The following ZKSCAN1 variants were observed in gnomAD, a reference collection of about 807,000 sequenced individuals.
ZKSCAN1 encodes the protein zinc finger with KRAB and SCAN domains 1, also known as zinc finger protein with KRAB and SCAN domains 1.
Under a neutral mutation model 51.6 loss-of-function variants are expected in ZKSCAN1, and 14 were observed. The observed-to-expected ratio is 0.27, with a 90% confidence interval of 0.18 to 0.42. The LOEUF is 0.42. Among genes scored for constraint, ZKSCAN1 ranks in the 10% least tolerant of loss-of-function variants. The pLI is 1.00. For missense variants in ZKSCAN1, 531 were observed against 710.0 expected (o/e 0.75, Z 2.86); for synonymous variants, 263 against 261.5 (o/e 1.01, Z -0.06).
chr7:100,044,808 A>G (rs969433362), downstream of ZKSCAN1: 1 of 984,928 alleles, frequency 1.0e-6, no homozygotes, highest in Non-Finnish European at 1.2e-6. Context: ...GCTTTCCAAC[A>G]TGCTGCACAT....
At chr7:100,015,865 T>G (rs1319189304) in intron 1 of ZKSCAN1, 139 bp downstream of exon 1, 1 of 152,134 alleles carries the variant, frequency 6.6e-6, no homozygotes, top group African/African-American at 2.4e-5. Flanking sequence ...TGCCCCTGCC[T>G]CCTGGCCGGG....
In ZKSCAN1 at chr7:100,035,685, T is replaced by G; in HGVS notation, c.*1488T>G. ...TGCTCTGAGAAACTCAGCAGTGTACTGAGATGTGGCTGGCTGTGCCATCGT... is the reference window on the plus strand; with the variant it reads ...TGCTCTGAGAAACTCAGCAGTGTACGGAGATGTGGCTGGCTGTGCCATCGT... On this transcript the variant is annotated 3_prime_UTR_variant, in exon 6 of 6. Coordinates refer to ENST00000324306, the MANE Select transcript of ZKSCAN1 (RefSeq NM_003439.4). The G allele has an allele frequency of 5.0e-6, 1 of 200,088 alleles. No individual in the cohort carries two copies. Among genetic ancestry groups the G allele is most frequent in the Non-Finnish European group, 8.9e-6 (1 of 111,812 alleles). The allele number at this position is 200,088 out of a possible 1,614,324, so 12.4% of individuals were successfully genotyped here.
downstream of ZKSCAN1, among the ~76,000 whole-genome samples, chr7:100,042,179 C>T (rs1228929107): frequency 1.3e-5 from 2 of 151,936 alleles, no homozygotes; most frequent in Non-Finnish European, 2.9e-5. Context: ...ATTAACCAGG[C>T]GTGGTGGCGG....
chr7:100,021,116 C>CTTTTTTTTTTTTTTT (rs60632908), intron 1 of ZKSCAN1, among the ~76,000 whole-genome samples: 2 of 85,292 alleles, frequency 2.3e-5, no homozygotes, highest in Admixed American at 1.7e-4. Context: ...TTTTTTTTTC[C>CTTTTTTTTTTTTTTT]TTTTTTTTTT....
chr7:100,039,204 C>G lies in ZKSCAN1; in HGVS notation c.*5007C>G. On this transcript the variant is annotated 3_prime_UTR_variant, in exon 6 of 6. Coordinates refer to ENST00000324306, the MANE Select transcript of ZKSCAN1 (RefSeq NM_003439.4). ...GTGGGCGCCTGTAGTCCCAGCTACT[C>G]AGGAGGCTGAGGCAGGAGAATCACC... 1 of 540,048 alleles carries G rather than the reference C, an allele frequency of 1.9e-6. No homozygotes were observed. The highest frequency in any genetic ancestry group is 2.4e-6 in the Non-Finnish European group (1 of 424,134). The allele number at this position is 540,048 out of a possible 1,614,324, so 33.5% of individuals were successfully genotyped here.
chr7:100,022,566 G>A (rs1282269603), intron 1 of ZKSCAN1, among the ~76,000 whole-genome samples: 3 of 152,016 alleles, frequency 2.0e-5, no homozygotes, highest in East Asian at 3.8e-4. Context: ...TTGTACTTTG[G>A]AAACCACAAT....
At position 100,038,382 on chromosome 7, in the gene ZKSCAN1, G is replaced by A; in HGVS notation, c.*4185G>A. 5.1e-6 allele frequency: 5 copies of A among 985,460 alleles called. No individual in the cohort carries two copies. Among genetic ancestry groups the A allele is most frequent in the Non-Finnish European group, 6.0e-6 (5 of 829,944 alleles). 61.0% of individuals were successfully genotyped at this position (985,460 alleles called of 1,614,324 possible). On this transcript the variant is annotated 3_prime_UTR_variant, in exon 6 of 6. Transcript: ENST00000324306. ...GAGCAGCGGGGAGAGGAAGGGAAAA[G>A]CTTCATAGTTTGGTGCTTATCACAT...
intron 5 of ZKSCAN1, among the ~76,000 whole-genome samples, chr7:100,032,877 G>A (rs1040336478): frequency 5.9e-5 from 9 of 151,922 alleles, no homozygotes; most frequent in African/African-American, 1.5e-4. Flanking sequence ...GCGTGGTGGC[G>A]GGCGCCTGTA....
At position 100,037,075 on chromosome 7, in the gene ZKSCAN1, T is replaced by G. The variant is rs911211684; in HGVS notation, c.*2878T>G. On this transcript the variant is annotated 3_prime_UTR_variant, in exon 6 of 6. Coordinates refer to ENST00000324306, the MANE Select transcript of ZKSCAN1 (RefSeq NM_003439.4). ...CTGAGGAAAACAGGCTACAACTGTT[T>G]ATTAAAACCACTTGCAGTGCATTCG... 1.0e-6 allele frequency: 1 copy of G among 985,432 alleles called. No homozygotes were observed. Among genetic ancestry groups the G allele is most frequent in the East Asian group, 1.1e-4 (1 of 8,812 alleles). The allele number at this position is 985,432 out of a possible 1,614,324, so 61.0% of individuals were successfully genotyped here.
chr7:100,032,105 T>C (rs575941546), intron 5 of ZKSCAN1, among the ~76,000 whole-genome samples: 1 of 152,350 alleles, frequency 6.6e-6, no homozygotes, highest in East Asian at 1.9e-4. Flanking sequence ...CAAAGTTTCT[T>C]GTTTGTTAAT....
chr7:100,033,410 G>C lies in ZKSCAN1; in HGVS notation c.905G>C (p.Gly302Ala). Residue 302 changes from glycine (G) to alanine (A), a missense_variant, in exon 6 of 6, where the codon GGA becomes GCA. By Grantham distance (60) the Gly-to-Ala change is moderately conservative. Coordinates refer to ENST00000324306, the MANE Select transcript of ZKSCAN1 (RefSeq NM_003439.4). This position sits in a 1 kb window ranked among gnomAD's most constrained non-coding sequence, Gnocchi z 4.1. The part of the protein sequence containing the change: ...ETTGRSQKEF[G>A]EKRDQEGKTG... ...ACAGGAAGATCCCAGAAAGAGTTTGGAGAGAAACGTGACCAGGAGGGCAAA... is the reference window on the plus strand; with the variant it reads ...ACAGGAAGATCCCAGAAAGAGTTTGCAGAGAAACGTGACCAGGAGGGCAAA... 6.2e-7 allele frequency: 1 copy of C among 1,614,116 alleles called. No homozygotes were observed. The highest frequency in any genetic ancestry group is 8.5e-7 in the Non-Finnish European group (1 of 1,180,028).
At chr7:100,028,956 G>T (rs1790971597) in intron 3 of ZKSCAN1, among the ~76,000 whole-genome samples, 1 of 151,998 alleles carries the variant, frequency 6.6e-6, no homozygotes, top group African/African-American at 2.4e-5. Context: ...CCTGAGGTCA[G>T]GAGTTCGAGA....
At chr7:100,026,990 C>T (rs1790863971) in intron 3 of ZKSCAN1, among the ~76,000 whole-genome samples, 1 of 151,514 alleles carries the variant, frequency 6.6e-6, no homozygotes, top group Non-Finnish European at 1.5e-5. Flanking sequence ...CAGAGCAAAA[C>T]TCCATCTCAA....
In ZKSCAN1 at chr7:100,023,467, C is replaced by A; in HGVS notation, c.-40C>A. ...AAACCTCCCAGGACATAAAGGTGAG[C>A]ACAGACCCTGTTTGGATCAAGTCAG... On this transcript the variant is annotated 5_prime_UTR_variant, in exon 2 of 6. Coordinates refer to ENST00000324306, the MANE Select transcript of ZKSCAN1 (RefSeq NM_003439.4). 6.4e-7 allele frequency: 1 copy of A among 1,573,276 alleles called. No homozygotes were observed. The highest frequency in any genetic ancestry group is 1.2e-5 in the South Asian group (1 of 84,108).
In ZKSCAN1 at chr7:100,040,654, AG is replaced by A. The variant is rs1791554074; in HGVS notation, c.*6462del. 4.1e-6 allele frequency: 4 copies of A among 985,462 alleles called. No individual in the cohort carries two copies. In the African/African-American group the frequency reaches 7.0e-5, roughly 17 times the overall value. 61.0% of individuals were successfully genotyped at this position (985,462 alleles called of 1,614,324 possible). On this transcript the variant is annotated 3_prime_UTR_variant, in exon 6 of 6. Transcript: ENST00000324306. ...AGGTTAAGTGCAGTATGGAAGGAGA[AG>A]GGGGAAGAGGACGGTAACGGCCCCA...
intron 3 of ZKSCAN1, among the ~76,000 whole-genome samples, chr7:100,026,150 G>A (rs973559006): frequency 3.5e-5 from 5 of 143,808 alleles, no homozygotes; most frequent in Non-Finnish European, 4.5e-5. Context: ...AACTCAGGCA[G>A]CAGAGGTTGC....
intron 5 of ZKSCAN1, among the ~76,000 whole-genome samples, chr7:100,031,354 TG>T: frequency 6.9e-6 from 1 of 144,154 alleles, no homozygotes; most frequent in East Asian, 2.2e-4. Flanking sequence ...CACAGCTCAC[TG>T]CAGCCTCGAC....
downstream of ZKSCAN1, chr7:100,041,734 TG>T (rs374517023): frequency 1.9e-4 from 190 of 985,410 alleles, 2 homozygotes; most frequent in South Asian, 6.3e-3. Context: ...TTCTCATCCT[TG>T]GTTGCATAAA....
rs1791505804 is a variant in ZKSCAN1, at chr7:100,039,472, T to A, written c.*5275T>A. The A allele has an allele frequency of 1.0e-6, 1 of 985,420 alleles. No individual in the cohort carries two copies. Among genetic ancestry groups the A allele is most frequent in the Non-Finnish European group, 1.2e-6 (1 of 829,932 alleles). The allele number at this position is 985,420 out of a possible 1,614,324, so 61.0% of individuals were successfully genotyped here. ...TTTTGCAATATTCCCTTTGGCTGTG[T>A]TCCTGTGTTCCCTGCTCCCACTTTT... On this transcript the variant is annotated 3_prime_UTR_variant, in exon 6 of 6. Transcript: ENST00000324306.
Sources: allele counts gnomAD v4.1 joint callset (sites outside exome capture counted in the v4.1 genomes callset), GRCh38; gene constraint gnomAD v4.1.1; non-coding constraint Gnocchi (gnomAD v3.1); transcripts MANE v1.5; gene names NCBI Gene and HGNC (gene_info 2026-07-23, HGNC 2026-07-21).